DHX34: variants seen among roughly 807,000 people sequenced by gnomAD.
The protein encoded by DHX34 is probable ATP-dependent RNA helicase DHX34.
A neutral mutation model predicts 111.1 loss-of-function variants in DHX34; 96 were observed. That is an observed-to-expected ratio of 0.86 (90% confidence interval 0.73 to 1.02). The LOEUF (loss-of-function observed/expected upper bound fraction) is 1.02. DHX34 is among the 50% of genes least tolerant of loss of function. The pLI, the probability that DHX34 is intolerant of heterozygous loss-of-function variation, is 0.00. For missense variants in DHX34, 1,560 were observed against 1,579.9 expected (o/e 0.99, Z 0.21); for synonymous variants, 688 against 670.4 (o/e 1.03, Z -0.41).
At chr19:47,373,272 C>A (rs1970028120) in intron 8 of DHX34, among the ~76,000 whole-genome samples, 1 of 152,158 alleles carries the variant, frequency 6.6e-6, no homozygotes. Flanking sequence ...GTGCTGGGGG[C>A]CCATCAGTGC....
At position 47,382,635 on chromosome 19, in the gene DHX34, A is replaced by C. The variant is rs1970406382; in HGVS notation, c.*522A>C. The C allele has an allele frequency of 6.5e-6, 1 of 152,736 alleles. No individual in the cohort carries two copies. The highest frequency in any genetic ancestry group is 1.5e-5 in the Non-Finnish European group (1 of 68,266). The allele number at this position is 152,736 out of a possible 1,614,324, so 9.5% of individuals were successfully genotyped here. ...CCATAAGACCCACTCACAATAAAAA[A>C]ATAAAAGGCCGAGCCGGGCATGGTT... On this transcript the variant is annotated 3_prime_UTR_variant, in exon 17 of 17. Coordinates refer to ENST00000328771, the MANE Select transcript of DHX34 (RefSeq NM_014681.6).
At chr19:47,363,943 T>C (rs1216121130) in intron 6 of DHX34, among the ~76,000 whole-genome samples, 1 of 152,142 alleles carries the variant, frequency 6.6e-6, no homozygotes, top group Non-Finnish European at 1.5e-5. Context: ...TCTCAATACA[T>C]TTTATGTCAT....
Position 47,362,511 on chromosome 19 carries a change from A to G in DHX34, c.1411A>G (p.Lys471Glu). ...GGAGATGAGCTACGATCCGCAGGCC[A>G]AGCTGCAACGGCTGCAGGAGTTCTG... is the stretch of plus-strand genomic sequence containing the variant. ...VKEMSYDPQAKLQRLQEFWIS... is the reference protein window; with the variant it reads ...VKEMSYDPQAELQRLQEFWIS... The change falls in exon 6 of 17, where the codon AAG (lysine) becomes GAG (glutamate). Residue 471 changes from lysine (K) to glutamate (E), a missense_variant. Physicochemically the swap from Lys to Glu is moderately conservative, Grantham distance 56. Transcript: ENST00000328771. 6.2e-7 allele frequency: 1 copy of G among 1,604,378 alleles called. No homozygotes were observed. The highest frequency in any genetic ancestry group is 8.5e-7 in the Non-Finnish European group (1 of 1,174,082).
At chr19:47,374,436 CA>C (rs35585186) in intron 9 of DHX34, among the ~76,000 whole-genome samples, 12,423 of 103,546 alleles carry the variant, frequency 0.12, 678 homozygotes, top group African/African-American at 0.2. Flanking sequence ...AAACTCCACT[CA>C]AAAAAAAAAA....
intron 7 of DHX34, among the ~76,000 whole-genome samples, chr19:47,368,984 TCTC>T (rs1428692096): frequency 6.6e-6 from 1 of 152,114 alleles, no homozygotes; most frequent in Non-Finnish European, 1.5e-5. Flanking sequence ...TTCAAGCAAT[TCTC>T]CTGCCTCAGC....
intron 7 of DHX34, among the ~76,000 whole-genome samples, chr19:47,371,363 G>A (rs1383779672): frequency 6.6e-6 from 1 of 152,262 alleles, no homozygotes; most frequent in African/African-American, 2.4e-5. Flanking sequence ...CGTCCTCTGT[G>A]CCAGGTGGAG....
At chr19:47,371,740 C>T (rs910868555) in intron 7 of DHX34, among the ~76,000 whole-genome samples, 1 of 152,172 alleles carries the variant, frequency 6.6e-6, no homozygotes, top group Non-Finnish European at 1.5e-5. Context: ...GCTGGGATTA[C>T]AGGCGCCTGC....
Position 47,382,361 on chromosome 19 carries a change from C to T in DHX34, c.*248C>T. The T allele has an allele frequency of 4.7e-6, 3 of 636,154 alleles. No individual in the cohort carries two copies. Among genetic ancestry groups the T allele is most frequent in the Non-Finnish European group, 7.4e-6 (3 of 403,096 alleles). The allele number at this position is 636,154 out of a possible 1,614,324, so 39.4% of individuals were successfully genotyped here. On this transcript the variant is annotated 3_prime_UTR_variant, in exon 17 of 17. Transcript: ENST00000328771. Reference sequence around the variant, plus strand: ...TCCCCAGGGTCTAGCTTTCCTTCTTCCTGCTGCAGGGTGCTGCCTGAGGGG... The same window carrying T: ...TCCCCAGGGTCTAGCTTTCCTTCTTTCTGCTGCAGGGTGCTGCCTGAGGGG...
chr19:47,358,281 C>T (rs2694560), intron 4 of DHX34, among the ~76,000 whole-genome samples, 161 bp downstream of exon 4: 15,186 of 152,246 alleles, frequency 0.1, 1,058 homozygotes, highest in African/African-American at 0.19. Context: ...CCCAGGTAGT[C>T]TGGCCCCGGA....
rs1002951544 is a variant in DHX34, at chr19:47,352,898, A to C, written c.-133A>C. ...GTGGTCCTGTGCCGTGACCAGGAGG[A>C]AAAATTAGCTCTTTGAAGAGAAAGT... On this transcript the variant is annotated 5_prime_UTR_variant, in exon 2 of 17. Transcript: ENST00000328771. 5.9e-5 allele frequency: 85 copies of C among 1,444,292 alleles called. No homozygotes were observed. Among genetic ancestry groups the C allele is most frequent in the Non-Finnish European group, 6.8e-5 (75 of 1,101,010 alleles). The allele number at this position is 1,444,292 out of a possible 1,614,324, so 89.5% of individuals were successfully genotyped here.
chr19:47,368,572 C>T (rs1263387423), intron 7 of DHX34, among the ~76,000 whole-genome samples: 2 of 150,296 alleles, frequency 1.3e-5, no homozygotes, highest in Admixed American at 6.6e-5. Flanking sequence ...TCCCAAAGTG[C>T]TGTGATTACA....
At chr19:47,373,094 C>T (rs1051389265) in intron 8 of DHX34, among the ~76,000 whole-genome samples, 171 bp downstream of exon 8, 47 of 152,356 alleles carry the variant, frequency 3.1e-4, no homozygotes, top group African/African-American at 9.6e-4. Context: ...TCCATGCTTT[C>T]GGCTCAGGAC....
Position 47,362,632 on chromosome 19 carries a change from C to G in DHX34, c.1532C>G (p.Ala511Gly), listed in dbSNP as rs202227021. Residue 511 changes from alanine to glycine, a missense_variant, in exon 6 of 17, where the codon GCC (alanine) becomes GGC (glycine). Ala to Gly is a moderately conservative substitution (Grantham distance 60, BLOSUM62 0). Transcript: ENST00000328771. ...CTCTATGCCGAATCGGACTATGATG[C>G]CTTCGCCCCCTACCCCGTCCCAGAA... ...FRLYAESDYD[A>G]FAPYPVPEIR... is the part of the protein sequence containing the mutation. The G allele has an allele frequency of 5.6e-6, 9 of 1,613,644 alleles. No individual in the cohort carries two copies. The highest frequency in any genetic ancestry group is 1.7e-4 in the Middle Eastern group (1 of 6,020).
intron 1 of DHX34, among the ~76,000 whole-genome samples, chr19:47,352,087 G>A (rs906562848): frequency 3.3e-5 from 5 of 152,164 alleles, no homozygotes; most frequent in Non-Finnish European, 7.3e-5. Flanking sequence ...ACAAGGTTCT[G>A]CTGTTGGTTG....
At chr19:47,358,584 G>A (rs1969532021) in intron 4 of DHX34, among the ~76,000 whole-genome samples, 1 of 151,686 alleles carries the variant, frequency 6.6e-6, no homozygotes, top group Non-Finnish European at 1.5e-5. Flanking sequence ...CTCCCAAGTA[G>A]CAACTATAGG....
Position 47,353,289 on chromosome 19 carries a change from A to C in DHX34, c.259A>C (p.Lys87Gln). 6.2e-7 allele frequency: 1 copy of C among 1,614,194 alleles called. No homozygotes were observed. Among genetic ancestry groups the C allele is most frequent in the African/African-American group, 1.3e-5 (1 of 75,070 alleles). Residue 87 changes from lysine (K) to glutamine (Q), a missense_variant, in exon 2 of 17, where the codon AAG (lysine) becomes CAG (glutamine). Lys to Gln is a moderately conservative substitution (Grantham distance 53, BLOSUM62 1). Coordinates refer to ENST00000328771, the MANE Select transcript of DHX34 (RefSeq NM_014681.6). The surrounding 1 kb of genome is among the most constrained non-coding windows in gnomAD (Gnocchi z 4.6). Reference protein sequence around the residue: ...RKEEKDPGQPKHSIPALADLP... With the variant: ...RKEEKDPGQPQHSIPALADLP... ...GGAGGAGAAAGACCCTGGACAGCCC[A>C]AGCACAGCATCCCAGCGCTGGCCGA...
chr19:47,365,220 A>G (rs1349345741), intron 6 of DHX34, among the ~76,000 whole-genome samples: 1 of 140,876 alleles, frequency 7.1e-6, no homozygotes, highest in Non-Finnish European at 1.5e-5. Flanking sequence ...TTGAGCTTCT[A>G]ATGTAAAGGT....
At chr19:47,359,917 G>T (rs1376507504) in intron 4 of DHX34, 51 bp from the exon 5 acceptor site, 2 of 1,613,246 alleles carry the variant, frequency 1.2e-6, no homozygotes, top group African/African-American at 2.7e-5. Context: ...GGACACATAG[G>T]TTAGTCGGGG....
chr19:47,377,098 A>T lies in DHX34; in HGVS notation c.2600-2A>T. 1 of 1,613,930 alleles carries T rather than the reference A, an allele frequency of 6.2e-7. No homozygotes were observed. The highest frequency in any genetic ancestry group is 1.1e-5 in the South Asian group (1 of 91,082). On this transcript the variant is annotated splice_acceptor_variant, in intron 12 of 16. Transcript: ENST00000328771. LOFTEE classifies it high-confidence loss of function. ...CCTGAGCGGTCCTCCTCAACCTTTCAGACGACAAGGACAAGATGAGCAGCA... is the reference window on the plus strand; with the variant it reads ...CCTGAGCGGTCCTCCTCAACCTTTCTGACGACAAGGACAAGATGAGCAGCA...
Sources: gnomAD v4.1 joint callset for allele counts (sites outside exome capture counted in the v4.1 genomes callset) on GRCh38, gnomAD v4.1.1 for gene constraint, Gnocchi (gnomAD v3.1) non-coding constraint, MANE v1.5 for transcripts, NCBI Gene and HGNC (gene_info 2026-07-23, HGNC 2026-07-21) for gene names.